SLC26A8: variants seen among roughly 807,000 people sequenced by gnomAD.
The protein encoded by SLC26A8 is solute carrier family 26 member 8, also known as testis anion transporter 1.
A neutral mutation model predicts 105.0 loss-of-function variants in SLC26A8; 70 were observed. That is an observed-to-expected ratio of 0.67 (90% CI 0.55 to 0.81). The LOEUF (loss-of-function observed/expected upper bound fraction) is 0.81, where lower values mean the gene tolerates loss of function less well. SLC26A8 is among the 40% of genes least tolerant of loss of function. The pLI is 0.00. For missense variants in SLC26A8, 998 were observed against 1,181.8 expected (o/e 0.84, Z 2.28); for synonymous variants, 415 against 438.3 (o/e 0.95, Z 0.66).
intron 7 of SLC26A8, among the ~76,000 whole-genome samples, chr6:35,985,576 C>T (rs1773475029): frequency 1.3e-5 from 2 of 151,608 alleles, no homozygotes; most frequent in Non-Finnish European, 2.9e-5. Flanking sequence ...ACCTGTAATC[C>T]CAGCTACTCG....
chr6:35,990,276 T>C, intron 7 of SLC26A8: 1 of 270,594 alleles, frequency 3.7e-6, no homozygotes, highest in Non-Finnish European at 7.1e-6. Flanking sequence ...TACTGTTGGA[T>C]ACATGTCCAT....
At chr6:36,009,353 A>AAACAACAACAACAAC (rs145874408) in intron 3 of SLC26A8, among the ~76,000 whole-genome samples, 8 of 149,294 alleles carry the variant, frequency 5.4e-5, no homozygotes, top group African/African-American at 2.0e-4. Flanking sequence ...TGCCTCTCAA[A>AAACAACAACAACAAC]AACAACAACA....
In SLC26A8 at chr6:35,975,487, TC is replaced by T; in HGVS notation, c.1174del (p.Asp392IlefsTer2). On this transcript the variant is annotated frameshift_variant and splice_region_variant, in exon 10 of 20. Transcript: ENST00000490799. LOFTEE classifies it high-confidence loss of function. ...LHNYSVNSNQ[D>X]LIAIGLCNVV... ...ATTGCAAAGGCCGATGGCTATTAAA[TC>T]CTGTAAAGAAACAGCAGATGCTTTA... 2 of 1,603,598 alleles carry T rather than the reference TC, an allele frequency of 1.2e-6. No individual in the cohort carries two copies. The highest frequency in any genetic ancestry group is 1.7e-4 in the Middle Eastern group (1 of 6,024).
chr6:35,959,332 C>G, intron 16 of SLC26A8, 128 bp downstream of exon 16: 1 of 1,033,562 alleles, frequency 9.7e-7, no homozygotes, highest in Non-Finnish European at 1.3e-6. Flanking sequence ...ATCTTAATTT[C>G]TGAATTCTTC....
At chr6:35,997,651 T>A (rs1348421467) in intron 5 of SLC26A8, 87 bp downstream of exon 5, 1 of 1,295,174 alleles carries the variant, frequency 7.7e-7, no homozygotes, top group East Asian at 2.4e-5. Flanking sequence ...TATATCACAG[T>A]GGATCACAGG....
chr6:36,016,494 A>G (rs1761999018), intron 2 of SLC26A8, among the ~76,000 whole-genome samples: 1 of 152,250 alleles, frequency 6.6e-6, no homozygotes, highest in Non-Finnish European at 1.5e-5. Flanking sequence ...AAACATTTCT[A>G]TATTACATTA....
chr6:35,956,339 G>T (rs957245820), intron 16 of SLC26A8, among the ~76,000 whole-genome samples: 3 of 150,004 alleles, frequency 2.0e-5, no homozygotes, highest in Non-Finnish European at 4.4e-5. Context: ...GAGGTGAGAG[G>T]ATCGCTTGAA....
intron 3 of SLC26A8, among the ~76,000 whole-genome samples, chr6:36,009,592 C>G (rs1376950913): frequency 6.6e-6 from 1 of 152,024 alleles, no homozygotes; most frequent in African/African-American, 2.4e-5. Flanking sequence ...AAACCAATAC[C>G]AAAGGGTTAT....
At position 36,015,869 on chromosome 6, in the gene SLC26A8, A is replaced by G. The variant is rs542891645; in HGVS notation, c.189-3497T>C. The stretch of plus-strand genomic sequence containing the variant: ...ACACTTGTCACCAACATGCCAACAT[A>G]CCAACATGTGCCAATTGTGGGTGAT... On this transcript the variant is annotated intron_variant, in intron 2 of 19. Coordinates refer to ENST00000490799, the MANE Select transcript of SLC26A8 (RefSeq NM_052961.4). Among the ~76,000 whole-genome samples, 11 of 152,232 alleles carry G rather than the reference A, an allele frequency of 7.2e-5. No individual in the cohort carries two copies. The South Asian group carries it at 2.1e-3, about 29-fold the overall frequency.
At position 35,955,098 on chromosome 6, in the gene SLC26A8, T is replaced by C. The variant is rs748018951; in HGVS notation, c.2232+54A>G. 6.8e-5 allele frequency: 110 copies of C among 1,608,114 alleles called. No homozygotes were observed. The South Asian group carries it at 8.5e-4, about 12-fold the overall frequency. ...GAATTCAATCAGGATCAGGGTGGGG[T>C]TGGGATGGTAGGAGGGGGATCAGAG... On this transcript the variant is annotated intron_variant, in intron 17 of 19. Transcript: ENST00000490799.
intron 11 of SLC26A8, among the ~76,000 whole-genome samples, chr6:35,967,621 C>G (rs964772165): frequency 6.6e-6 from 1 of 152,066 alleles, no homozygotes; most frequent in Non-Finnish European, 1.5e-5. Context: ...GTGAACTAAC[C>G]AAGAGGCAGT....
At chr6:35,975,171 A>G (rs1211279795) in intron 10 of SLC26A8, among the ~76,000 whole-genome samples, 1 of 152,194 alleles carries the variant, frequency 6.6e-6, no homozygotes, top group African/African-American at 2.4e-5. Flanking sequence ...TTCAAGTTCC[A>G]CATTGACAAG....
chr6:36,012,014 A>G (rs1171133845), intron 3 of SLC26A8, among the ~76,000 whole-genome samples: 1 of 152,238 alleles, frequency 6.6e-6, no homozygotes, highest in Admixed American at 6.5e-5. Context: ...GGTGTTACAA[A>G]TACTCTGGAA....
At chr6:36,016,505 CA>C (rs1270876723) in intron 2 of SLC26A8, among the ~76,000 whole-genome samples, 2 of 152,150 alleles carry the variant, frequency 1.3e-5, no homozygotes, top group African/African-American at 4.8e-5. Context: ...TATTACATTA[CA>C]ATTGCTAAAG....
intron 3 of SLC26A8, among the ~76,000 whole-genome samples, chr6:36,003,100 C>T (rs1315053619): frequency 6.6e-6 from 1 of 152,126 alleles, no homozygotes; most frequent in Non-Finnish European, 1.5e-5. Context: ...TTTCCTTTTG[C>T]TTTTGGTGTC....
At chr6:36,021,605 A>G (rs1762127962) in intron 1 of SLC26A8, among the ~76,000 whole-genome samples, 1 of 152,188 alleles carries the variant, frequency 6.6e-6, no homozygotes, top group African/African-American at 2.4e-5. Flanking sequence ...CAAAGGCAGC[A>G]GAAGCTGCTT....
At chr6:35,968,609 G>GTGTGTGTGTATATATATA (rs1168496588) in intron 11 of SLC26A8, among the ~76,000 whole-genome samples, 1 of 60,072 alleles carries the variant, frequency 1.7e-5, no homozygotes, top group Admixed American at 2.4e-4. Flanking sequence ...GTGTGTGTGT[G>GTGTGTGTGTATATATATA]TATATATATA....
At chr6:35,947,000 T>A (rs948667239) in intron 19 of SLC26A8, among the ~76,000 whole-genome samples, 1 of 151,948 alleles carries the variant, frequency 6.6e-6, no homozygotes, top group Admixed American at 6.6e-5. Flanking sequence ...GATATGTCCA[T>A]CTTAAACCAG....
chr6:36,006,398 G>GCAATAAC (rs1562066878), intron 3 of SLC26A8, among the ~76,000 whole-genome samples: 2 of 152,214 alleles, frequency 1.3e-5, no homozygotes, highest in East Asian at 3.8e-4. Flanking sequence ...GGGATTACAG[G>GCAATAAC]TGTGAGCTAC....
Sources: allele counts gnomAD v4.1 joint callset (sites outside exome capture counted in the v4.1 genomes callset), GRCh38; gene constraint gnomAD v4.1.1; transcripts MANE v1.5; gene names NCBI Gene and HGNC (gene_info 2026-07-23, HGNC 2026-07-21).